The following DSCAM variants were observed in gnomAD, a reference collection of about 807,000 sequenced individuals.
DSCAM encodes the protein cell adhesion molecule DSCAM.
In DSCAM, 47 loss-of-function variants were observed where a neutral mutation model predicts 217.7. The ratio of observed to expected loss-of-function variants is 0.22; its 90% CI spans 0.17 to 0.28. The LOEUF is 0.28. DSCAM is among the 10% of genes least tolerant of loss of function. DSCAM has a pLI of 1.00. For synonymous variants in DSCAM, 1,056 were observed against 1,015.3 expected (o/e 1.04, Z -0.76); for missense variants, 2,080 against 2,618.3 (o/e 0.79, Z 4.49).
At chr21:40,331,620 GA>G (rs1677578051) in intron 8 of DSCAM, among the ~76,000 whole-genome samples, 1 of 152,128 alleles carries the variant, frequency 6.6e-6, no homozygotes, top group South Asian at 2.1e-4. Flanking sequence ...CACAAGAGCT[GA>G]AAACCCTGGC....
chr21:40,719,435 C>T (rs2090878294), intron 1 of DSCAM, among the ~76,000 whole-genome samples: 1 of 152,134 alleles, frequency 6.6e-6, no homozygotes, highest in South Asian at 2.1e-4. Context: ...TGTGACTCAA[C>T]AATTTCACTC....
At chr21:40,250,507 T>C (rs142755968) in intron 11 of DSCAM, among the ~76,000 whole-genome samples, 43 of 152,374 alleles carry the variant, frequency 2.8e-4, no homozygotes, top group African/African-American at 1.0e-3. Flanking sequence ...ACAGTTGTGA[T>C]AGATGGCCTG....
At chr21:40,432,977 T>C (rs8129929) in intron 3 of DSCAM, among the ~76,000 whole-genome samples, 109,793 of 152,034 alleles carry the variant, frequency 0.72, 39,923 homozygotes, top group Admixed American at 0.81. Context: ...AACATTTCTG[T>C]TGTAACCATT....
At chr21:40,096,842 A>C (rs528117776) in intron 20 of DSCAM, among the ~76,000 whole-genome samples, 1 of 152,340 alleles carries the variant, frequency 6.6e-6, no homozygotes, top group African/African-American at 2.4e-5. Flanking sequence ...CATGGCAGCC[A>C]ATTTCATTTG....
rs374935562 is a variant in DSCAM, at chr21:40,093,649, T to C, written c.3850+72A>G. On this transcript the variant is annotated intron_variant, in intron 21 of 32. Coordinates refer to ENST00000400454, the MANE Select transcript of DSCAM (RefSeq NM_001389.5). ...GATTTTTAGGAAAGTGTAAGTTTTA[T>C]TTCAGGTAAAATAGAGACTTAAAAA... 3.9e-6 allele frequency: 6 copies of C among 1,546,304 alleles called. No homozygotes were observed. The African/African-American group carries it at 6.9e-5, about 18-fold the overall frequency.
At chr21:40,125,250 G>A (rs184324781) in intron 19 of DSCAM, among the ~76,000 whole-genome samples, 77 of 152,334 alleles carry the variant, frequency 5.1e-4, no homozygotes, top group Admixed American at 1.2e-3. Context: ...GAGTGAGATT[G>A]AAGGCATGTC....
At position 40,445,281 on chromosome 21, in the gene DSCAM, C is replaced by T. The variant is rs540521654; in HGVS notation, c.509-76036G>A. Reference sequence around the variant, plus strand: ...GACACCAGCATTCAGATCACAGCACCTCAGAAGCTTTAATTGCGTGCTGGC... The same window carrying T: ...GACACCAGCATTCAGATCACAGCACTTCAGAAGCTTTAATTGCGTGCTGGC... On this transcript the variant is annotated intron_variant, in intron 3 of 32. Coordinates refer to ENST00000400454, the MANE Select transcript of DSCAM (RefSeq NM_001389.5). Among the ~76,000 whole-genome samples, 37 of 152,290 alleles carry T rather than the reference C, an allele frequency of 2.4e-4. 1 individual carries two copies. In the South Asian group the frequency reaches 6.8e-3, roughly 28 times the overall value.
intron 8 of DSCAM, among the ~76,000 whole-genome samples, chr21:40,319,606 T>A (rs1045918227): frequency 7.2e-5 from 11 of 152,202 alleles, no homozygotes; most frequent in Non-Finnish European, 1.3e-4. Flanking sequence ...ATACACCCAG[T>A]AGTGGAATTA....
intron 20 of DSCAM, among the ~76,000 whole-genome samples, chr21:40,122,428 T>C (rs1333737649): frequency 6.6e-6 from 1 of 152,206 alleles, no homozygotes; most frequent in African/African-American, 2.4e-5. Flanking sequence ...GATCAATGAA[T>C]GAATGAGTGA....
rs1234586641 is a variant in DSCAM, at chr21:40,214,958, G to A, written c.2357-25720C>T. ...AACTGTAAAGATATGGAATCCTCAC[G>A]CCTGTAATCCCAGCACTTTGGGAGG... is the stretch of plus-strand genomic sequence containing the variant. On this transcript the variant is annotated intron_variant, in intron 11 of 32. Transcript: ENST00000400454. Among the ~76,000 whole-genome samples, 7 of 102,550 alleles carry A rather than the reference G, an allele frequency of 6.8e-5. 3 individuals carry two copies. The highest frequency in any genetic ancestry group is 1.3e-4 in the Non-Finnish European group (6 of 45,474). 67.3% of individuals were successfully genotyped at this position (102,550 alleles called of 152,430 possible). A position where few individuals can be genotyped will look rare whatever the true frequency, so the allele number is the denominator to read the frequency against.
At chr21:40,603,125 T>A (rs1040389491) in intron 3 of DSCAM, among the ~76,000 whole-genome samples, 1 of 152,154 alleles carries the variant, frequency 6.6e-6, no homozygotes, top group Non-Finnish European at 1.5e-5. Context: ...ATTTAGAGAT[T>A]TGCAGCTGTC....
chr21:40,472,306 G>A (rs923490436), intron 3 of DSCAM, among the ~76,000 whole-genome samples: 3 of 152,274 alleles, frequency 2.0e-5, no homozygotes, highest in Middle Eastern at 3.4e-3. Flanking sequence ...TTTAAAATAC[G>A]TGTTCTGAAG....
At chr21:40,695,316 C>T (rs754132626) in intron 2 of DSCAM, among the ~76,000 whole-genome samples, 1 of 151,982 alleles carries the variant, frequency 6.6e-6, no homozygotes, top group Non-Finnish European at 1.5e-5. Context: ...GGTGACTGAC[C>T]GGGGACATTC....
chr21:40,500,476 A>G (rs1403047667), intron 3 of DSCAM, among the ~76,000 whole-genome samples: 1 of 152,202 alleles, frequency 6.6e-6, no homozygotes, highest in Non-Finnish European at 1.5e-5. Context: ...TCACTATTGA[A>G]TGTCAACTTA....
chr21:40,171,233 A>T (rs1027732601), intron 15 of DSCAM, among the ~76,000 whole-genome samples: 3 of 152,116 alleles, frequency 2.0e-5, no homozygotes, highest in African/African-American at 4.8e-5. Context: ...GTGTGCCACC[A>T]CGCCTGGCTG....
At chr21:40,603,040 A>G (rs2077074274) in intron 3 of DSCAM, among the ~76,000 whole-genome samples, 1 of 152,084 alleles carries the variant, frequency 6.6e-6, no homozygotes, top group Admixed American at 6.6e-5. Flanking sequence ...ATTTAGTTAC[A>G]AATAATTTAA....
chr21:40,190,192 T>G (rs546615754), intron 11 of DSCAM, among the ~76,000 whole-genome samples: 1 of 152,244 alleles, frequency 6.6e-6, no homozygotes, highest in East Asian at 1.9e-4. Flanking sequence ...ACATCAAAAT[T>G]AAAAGAAGTC....
At chr21:40,760,118 C>G (rs568672345) in intron 1 of DSCAM, among the ~76,000 whole-genome samples, 2 of 151,888 alleles carry the variant, frequency 1.3e-5, no homozygotes, top group Non-Finnish European at 2.9e-5. Flanking sequence ...CTCAGCCTCC[C>G]GAGTAGCTGG....
At chr21:40,045,653 T>C (rs1427426413) in intron 30 of DSCAM, among the ~76,000 whole-genome samples, 1 of 152,234 alleles carries the variant, frequency 6.6e-6, no homozygotes. Context: ...CTTAAGGTCC[T>C]AGATGGGTCT....
Sources: allele counts gnomAD v4.1 joint callset (sites outside exome capture counted in the v4.1 genomes callset), GRCh38; gene constraint gnomAD v4.1.1; transcripts MANE v1.5; gene names NCBI Gene and HGNC (gene_info 2026-07-23, HGNC 2026-07-21).